The following COL25A1 variants were observed in gnomAD, a reference collection of about 807,000 sequenced individuals.
COL25A1 encodes collagen alpha-1(XXV) chain.
Under a neutral mutation model 128.4 loss-of-function variants are expected in COL25A1, and 103 were observed. The observed-to-expected ratio is 0.80, with a 90% confidence interval of 0.68 to 0.94. The LOEUF (loss-of-function observed/expected upper bound fraction) is 0.94. Among genes scored for constraint, COL25A1 ranks in the 40% least tolerant of loss-of-function variants. COL25A1 has a pLI of 0.00. For synonymous variants in COL25A1, 279 were observed against 277.2 expected (o/e 1.01, Z -0.06); for missense variants, 745 against 840.0 (o/e 0.89, Z 1.40).
intron 6 of COL25A1, among the ~76,000 whole-genome samples, chr4:108,996,768 C>A (rs1269544544): frequency 6.6e-6 from 1 of 152,194 alleles, no homozygotes; most frequent in South Asian, 2.1e-4. Flanking sequence ...GAAATCACAA[C>A]AAGCTGTCTC....
intron 3 of COL25A1, among the ~76,000 whole-genome samples, chr4:109,282,563 T>C (rs1230517535): frequency 6.6e-6 from 1 of 152,212 alleles, no homozygotes; most frequent in African/African-American, 2.4e-5. Flanking sequence ...CATTTAACTA[T>C]TTATAGAGTC....
intron 3 of COL25A1, among the ~76,000 whole-genome samples, chr4:109,280,562 G>C (rs1328739800): frequency 6.6e-6 from 1 of 152,104 alleles, no homozygotes; most frequent in Admixed American, 6.5e-5. Context: ...AATATACACT[G>C]AATATTAGAT....
intron 3 of COL25A1, among the ~76,000 whole-genome samples, chr4:109,155,832 A>C (rs1350627231): frequency 6.6e-6 from 1 of 152,256 alleles, no homozygotes; most frequent in African/African-American, 2.4e-5. Context: ...ATAAACAAGA[A>C]AATTAGCCAA....
chr4:109,299,049 C>T (rs1008117359), intron 3 of COL25A1, among the ~76,000 whole-genome samples: 13 of 152,170 alleles, frequency 8.5e-5, no homozygotes, highest in African/African-American at 2.9e-4. Flanking sequence ...ATTATATCTT[C>T]TCAAAAAATA....
At chr4:109,122,202 C>T (rs1350983152) in intron 3 of COL25A1, among the ~76,000 whole-genome samples, 1 of 152,010 alleles carries the variant, frequency 6.6e-6, no homozygotes, top group Non-Finnish European at 1.5e-5. Flanking sequence ...TGTTGGCTAC[C>T]TGACATTATA....
At chr4:108,846,831 G>A (rs1735168157) in intron 27 of COL25A1, among the ~76,000 whole-genome samples, 1 of 151,648 alleles carries the variant, frequency 6.6e-6, no homozygotes, top group South Asian at 2.1e-4. Flanking sequence ...AGTCAGAATG[G>A]TATTTTTATT....
chr4:109,050,210 A>G (rs758973099), intron 3 of COL25A1, 31 bp from the exon 4 acceptor site: 2 of 1,576,380 alleles, frequency 1.3e-6, no homozygotes, highest in South Asian at 1.2e-5. Context: ...TTTTTAGTGT[A>G]GTTTAATTCT....
At chr4:108,951,197 G>C (rs754516094) in intron 8 of COL25A1, among the ~76,000 whole-genome samples, 1 of 152,120 alleles carries the variant, frequency 6.6e-6, no homozygotes, top group Non-Finnish European at 1.5e-5. Context: ...AGCTTCAAGA[G>C]GGAAGTAGTG....
At chr4:108,933,328 G>GC (rs1196331776) in intron 11 of COL25A1, among the ~76,000 whole-genome samples, 1 of 152,148 alleles carries the variant, frequency 6.6e-6, no homozygotes, top group East Asian at 1.9e-4. Flanking sequence ...AACAAATGTA[G>GC]TGGGGTTTAC....
At chr4:109,150,001 T>A (rs935814541) in intron 3 of COL25A1, among the ~76,000 whole-genome samples, 1 of 150,020 alleles carries the variant, frequency 6.7e-6, no homozygotes, top group Non-Finnish European at 1.5e-5. Context: ...TATGTGTGGG[T>A]GTGTGTGTGT....
chr4:109,012,377 T>C (rs1226513089), intron 5 of COL25A1, among the ~76,000 whole-genome samples: 1 of 150,604 alleles, frequency 6.6e-6, no homozygotes, highest in Non-Finnish European at 1.5e-5. Context: ...CTGGCTACGC[T>C]TGAGGAGCCC....
intron 6 of COL25A1, among the ~76,000 whole-genome samples, chr4:108,974,983 A>G (rs985720153): frequency 6.6e-6 from 1 of 152,226 alleles, no homozygotes; most frequent in Non-Finnish European, 1.5e-5. Context: ...ACATAAAATC[A>G]TAGAGTCCGG....
At chr4:108,999,411 A>G (rs989482930) in intron 6 of COL25A1, among the ~76,000 whole-genome samples, 52 of 152,258 alleles carry the variant, frequency 3.4e-4, no homozygotes, top group Non-Finnish European at 6.6e-4. Flanking sequence ...CAAAACCACA[A>G]TGAGATACCA....
At chr4:109,011,235 T>C (rs1756549597) in intron 5 of COL25A1, among the ~76,000 whole-genome samples, 1 of 152,178 alleles carries the variant, frequency 6.6e-6, no homozygotes, top group African/African-American at 2.4e-5. Flanking sequence ...TAATGTGTAG[T>C]GTCATTGTCT....
chr4:109,252,092 AG>A (rs1249307724), intron 3 of COL25A1, among the ~76,000 whole-genome samples: 7 of 152,266 alleles, frequency 4.6e-5, no homozygotes, highest in Non-Finnish European at 8.8e-5. Flanking sequence ...GTATGCTGCT[AG>A]GGCAGATAAG....
At chr4:109,106,560 C>G (rs779083685) in intron 3 of COL25A1, among the ~76,000 whole-genome samples, 1 of 150,658 alleles carries the variant, frequency 6.6e-6, no homozygotes, top group Non-Finnish European at 1.5e-5. Flanking sequence ...ATCTCAGAAA[C>G]TTAAAAAAAA....
Position 108,868,606 on chromosome 4 carries a change from A to AAAAGAAAG in COL25A1, c.1083+474_1083+481dup, listed in dbSNP as rs61280631. Among the ~76,000 whole-genome samples the AAAAGAAAG allele has an allele frequency of 1.1e-3, 168 of 147,082 alleles. 1 individual carries two copies. The highest frequency in any genetic ancestry group is 3.7e-3 in the African/African-American group (146 of 39,512). ...GAAGGAAGGAAGGAAGAAAGAAAGAAAAAGAAAGAAAGAAAGAAAGAAGGG... is the reference window on the plus strand; with the variant it reads ...GAAGGAAGGAAGGAAGAAAGAAAGAAAAAGAAAGAAAGAAAGAAAGAAAGAAAGAAGGG... On this transcript the variant is annotated intron_variant, in intron 20 of 37. Transcript: ENST00000399132.
At chr4:109,113,099 G>A (rs1309446996) in intron 3 of COL25A1, among the ~76,000 whole-genome samples, 1 of 152,086 alleles carries the variant, frequency 6.6e-6, no homozygotes, top group African/African-American at 2.4e-5. Context: ...ACCGGAGAGA[G>A]GAAAAACAAA....
At chr4:109,178,835 C>CAAAAAAAAA (rs34132262) in intron 3 of COL25A1, among the ~76,000 whole-genome samples, 1 of 47,544 alleles carries the variant, frequency 2.1e-5, no homozygotes, top group Non-Finnish European at 3.7e-5. Flanking sequence ...ACTCCATCTC[C>CAAAAAAAAA]AAAAAAAAAA....
Sources: allele counts gnomAD v4.1 joint callset (sites outside exome capture counted in the v4.1 genomes callset), GRCh38; gene constraint gnomAD v4.1.1; transcripts MANE v1.5; gene names NCBI Gene and HGNC (gene_info 2026-07-23, HGNC 2026-07-21).